Variants in NLRP3 observed in about 807,000 individuals in gnomAD.
The protein encoded by NLRP3 is NACHT, LRR and PYD domains-containing protein 3.
NLRP3 carries 48 observed loss-of-function variants against 91.3 expected under a neutral mutation model. The ratio of observed to expected loss-of-function variants is 0.53; its 90% CI spans 0.42 to 0.67. The LOEUF is 0.67. Ranked by LOEUF, NLRP3 falls within the 30% of genes least tolerant of loss-of-function variation. The pLI, the probability that NLRP3 is intolerant of heterozygous loss-of-function variation, is 0.00. For synonymous variants in NLRP3, 561 were observed against 507.9 expected (o/e 1.10, Z -1.41); for missense variants, 982 against 1,276.9 (o/e 0.77, Z 3.52).
chr1:247,424,748 A>T lies in NLRP3; in HGVS notation c.1299A>T (p.Thr433=). The stretch of plus-strand genomic sequence containing the variant: ...AGAGTGGCAAGAGCCTTGCCCAGAC[A>T]TCCAAGACCACCACCGCGGTGTACG... The part of the protein sequence containing the change: ...QMESGKSLAQ[T]SKTTTAVYVF... The change falls in exon 4 of 10, where the codon ACA becomes ACT. Residue 433 remains threonine, a synonymous_variant. Transcript: ENST00000336119. This position sits in a 1 kb window ranked among gnomAD's most constrained non-coding sequence, Gnocchi z 8.1. The T allele has an allele frequency of 6.2e-7, 1 of 1,613,560 alleles. No homozygotes were observed. Among genetic ancestry groups the T allele is most frequent in the East Asian group, 2.2e-5 (1 of 44,868 alleles).
chr1:247,448,579 C>G lies in NLRP3; in HGVS notation c.*75C>G. The G allele has an allele frequency of 1.1e-6, 1 of 889,272 alleles. No homozygotes were observed. Among genetic ancestry groups the G allele is most frequent in the Non-Finnish European group, 1.9e-6 (1 of 520,344 alleles). The allele number at this position is 889,272 out of a possible 1,614,324, so 55.1% of individuals were successfully genotyped here. On this transcript the variant is annotated 3_prime_UTR_variant, in exon 10 of 10. Transcript: ENST00000336119. The stretch of plus-strand genomic sequence containing the variant: ...GGGGGCCCTCAGGTGGAGAGAGCTG[C>G]GATCCATCCAGGCCAAGACCACAGC...
chr1:247,430,284 C>T (rs1293521772), intron 5 of NLRP3, among the ~76,000 whole-genome samples: 2 of 152,160 alleles, frequency 1.3e-5, no homozygotes, highest in African/African-American at 2.4e-5. Flanking sequence ...AAGGTGTCAG[C>T]AGGGTTGGTT....
intron 4 of NLRP3, among the ~76,000 whole-genome samples, chr1:247,426,954 A>G (rs1662933643): frequency 2.0e-5 from 3 of 151,910 alleles, no homozygotes; most frequent in Non-Finnish European, 2.9e-5. Context: ...GGCAGCAAAC[A>G]GTTCCGAGTG....
chr1:247,445,303 C>T (rs1004895045), intron 9 of NLRP3, among the ~76,000 whole-genome samples: 1 of 152,106 alleles, frequency 6.6e-6, no homozygotes, highest in Non-Finnish European at 1.5e-5. Flanking sequence ...CGGGTTCACG[C>T]CATTCTCCTG....
chr1:247,439,298 A>G (rs1262970679), intron 7 of NLRP3, among the ~76,000 whole-genome samples: 2 of 152,174 alleles, frequency 1.3e-5, no homozygotes, highest in African/African-American at 2.4e-5. Context: ...ACAGAAATTT[A>G]TTGTCCCTCA....
Position 247,424,720 on chromosome 1 carries a change from T to G in NLRP3, c.1271T>G (p.Met424Arg). 1 of 1,614,124 alleles carries G rather than the reference T, an allele frequency of 6.2e-7. No homozygotes were observed. Among genetic ancestry groups the G allele is most frequent in the Non-Finnish European group, 8.5e-7 (1 of 1,180,040 alleles). The stretch of plus-strand genomic sequence containing the variant: ...GTGTGCACTGGACTGAAACAGCAGA[T>G]GGAGAGTGGCAAGAGCCTTGCCCAG... ...WIVCTGLKQQMESGKSLAQTS... is the reference protein window; with the variant it reads ...WIVCTGLKQQRESGKSLAQTS... Residue 424 changes from methionine to arginine, a missense_variant, in exon 4 of 10, where the codon ATG becomes AGG. By Grantham distance (91) the Met-to-Arg change is moderately conservative. Transcript: ENST00000336119. The surrounding 1 kb of genome is among the most constrained non-coding windows in gnomAD (Gnocchi z 8.1).
intron 9 of NLRP3, among the ~76,000 whole-genome samples, chr1:247,445,125 G>A (rs994972585): frequency 3.9e-5 from 6 of 152,162 alleles, no homozygotes; most frequent in Non-Finnish European, 7.4e-5. Flanking sequence ...ACCGAACTTC[G>A]TAGAACTCGT....
At chr1:247,434,304 C>G in intron 6 of NLRP3, 31 bp downstream of exon 6, 1 of 1,613,418 alleles carries the variant, frequency 6.2e-7, no homozygotes, top group Non-Finnish European at 8.5e-7. Context: ...TAAGGAAGTT[C>G]TGCCAGCGAG....
At position 247,424,796 on chromosome 1, in the gene NLRP3, G is replaced by A; in HGVS notation, c.1347G>A (p.Leu449=). Residue 449 remains leucine, a synonymous_variant, in exon 4 of 10, where the codon CTG becomes CTA. Transcript: ENST00000336119. The surrounding 1 kb of genome is among the most constrained non-coding windows in gnomAD (Gnocchi z 8.1). ...ACGTCTTCTTCCTTTCCAGTTTGCT[G>A]CAGCCCCGGGGAGGGAGCCAGGAGC... ...AVYVFFLSSL[L]QPRGGSQEHG... 6.2e-7 allele frequency: 1 copy of A among 1,609,724 alleles called. No homozygotes were observed.
rs1173511224 is a variant in NLRP3, at chr1:247,424,612, C to T, written c.1163C>T (p.Ala388Val). 3 of 1,614,244 alleles carry T rather than the reference C, an allele frequency of 1.9e-6. No individual in the cohort carries two copies. The South Asian group carries it at 3.3e-5, about 18-fold the overall frequency. The change falls in exon 4 of 10, where the codon GCC (alanine) becomes GTC (valine). Residue 388 changes from alanine (A) to valine (V), a missense_variant. Ala to Val is a moderately conservative substitution (Grantham distance 64). Coordinates refer to ENST00000336119, the MANE Select transcript of NLRP3 (RefSeq NM_001243133.2). The surrounding 1 kb of genome is among the most constrained non-coding windows in gnomAD (Gnocchi z 8.1). ...TTCTTCAAGTACTTCTCTGATGAGGCCCAAGCCAGGGCAGCCTTCAGTCTG... is the reference window on the plus strand; with the variant it reads ...TTCTTCAAGTACTTCTCTGATGAGGTCCAAGCCAGGGCAGCCTTCAGTCTG... ...EYFFKYFSDE[A>V]QARAAFSLIQ...
chr1:247,441,193 T>TCCC (rs66774877), intron 7 of NLRP3, among the ~76,000 whole-genome samples: 42 of 64,318 alleles, frequency 6.5e-4, no homozygotes, highest in Middle Eastern at 0.011. Context: ...TCCCTTCCCC[T>TCCC]CCCCCCCCCC....
intron 6 of NLRP3, 34 bp from the exon 7 acceptor site, chr1:247,435,936 A>AGACAT: frequency 6.2e-7 from 1 of 1,609,914 alleles, no homozygotes; most frequent in Non-Finnish European, 8.5e-7. Flanking sequence ...CGTGGGTGAG[A>AGACAT]GACATGACTG....
Position 247,448,602 on chromosome 1 carries a change from A to G in NLRP3, c.*98A>G. 2 of 790,134 alleles carry G rather than the reference A, an allele frequency of 2.5e-6. No homozygotes were observed. Among genetic ancestry groups the G allele is most frequent in the Non-Finnish European group, 4.6e-6 (2 of 435,524 alleles). The allele number at this position is 790,134 out of a possible 1,614,324, so 48.9% of individuals were successfully genotyped here. A position where few individuals can be genotyped will look rare whatever the true frequency, so the allele number is the denominator to read the frequency against. ...TGCGATCCATCCAGGCCAAGACCAC[A>G]GCTCTGTGATCCTTCCGGTGGAGTG... is the stretch of plus-strand genomic sequence containing the variant. On this transcript the variant is annotated 3_prime_UTR_variant, in exon 10 of 10. Coordinates refer to ENST00000336119, the MANE Select transcript of NLRP3 (RefSeq NM_001243133.2).
chr1:247,428,163 A>T (rs113786173), intron 4 of NLRP3, among the ~76,000 whole-genome samples: 1 of 148,808 alleles, frequency 6.7e-6, no homozygotes, highest in Non-Finnish European at 1.5e-5. Flanking sequence ...ATCCCTCTAG[A>T]TGGCACCTGC....
intron 4 of NLRP3, among the ~76,000 whole-genome samples, chr1:247,428,872 G>C (rs952559131): frequency 2.7e-5 from 4 of 150,534 alleles, no homozygotes; most frequent in African/African-American, 9.7e-5. Context: ...CATGGATGTG[G>C]CCTGGGCTTG....
intron 2 of NLRP3, among the ~76,000 whole-genome samples, chr1:247,422,704 C>A (rs1572163372): frequency 6.6e-6 from 1 of 152,096 alleles, no homozygotes; most frequent in East Asian, 1.9e-4. Flanking sequence ...GCCAGGATTC[C>A]CAACCACTAG....
chr1:247,433,693 TG>T (rs1469768679), intron 5 of NLRP3, among the ~76,000 whole-genome samples: 23 of 107,756 alleles, frequency 2.1e-4, no homozygotes, highest in Middle Eastern at 5.2e-3. Flanking sequence ...AGGTGTGTCC[TG>T]ATGCTTTCTC....
intron 5 of NLRP3, among the ~76,000 whole-genome samples, chr1:247,430,123 G>A (rs1048603266): frequency 1.3e-5 from 2 of 152,188 alleles, no homozygotes; most frequent in South Asian, 2.1e-4. Context: ...TGATCCGCCC[G>A]CCTCGGCCTC....
chr1:247,444,575 G>C, intron 8 of NLRP3, 76 bp from the exon 9 acceptor site: 6 of 1,512,388 alleles, frequency 4.0e-6, no homozygotes, highest in Non-Finnish European at 5.5e-6. Context: ...AACAAGACAG[G>C]CTAAGATGCT....
Sources: allele counts gnomAD v4.1 joint callset (sites outside exome capture counted in the v4.1 genomes callset), GRCh38; gene constraint gnomAD v4.1.1; non-coding constraint Gnocchi (gnomAD v3.1); transcripts MANE v1.5; gene names NCBI Gene and HGNC (gene_info 2026-07-23, HGNC 2026-07-21).